PRDM5: variants seen among roughly 807,000 people sequenced by gnomAD.
PRDM5 encodes the protein PR/SET domain 5.
Under a neutral mutation model 81.2 loss-of-function variants are expected in PRDM5, and 56 were observed. The observed-to-expected ratio is 0.69, with a 90% CI of 0.56 to 0.86. The LOEUF (loss-of-function observed/expected upper bound fraction) is 0.86. Among genes scored for constraint, PRDM5 ranks in the 40% least tolerant of loss-of-function variants. The pLI is 0.00. For synonymous variants in PRDM5, 267 were observed against 256.4 expected (o/e 1.04, Z -0.39); for missense variants, 697 against 770.1 (o/e 0.91, Z 1.12).
At chr4:120,862,642 AATAGTTAAC>A (rs1323770110) in intron 2 of PRDM5, among the ~76,000 whole-genome samples, 1 of 152,192 alleles carries the variant, frequency 6.6e-6, no homozygotes, top group Non-Finnish European at 1.5e-5. Flanking sequence ...GTTCCCTGTC[AATAGTTAAC>A]ATATCAAGGT....
At chr4:120,721,425 G>A (rs1362869260) in intron 14 of PRDM5, among the ~76,000 whole-genome samples, 1 of 152,150 alleles carries the variant, frequency 6.6e-6, no homozygotes, top group Non-Finnish European at 1.5e-5. Context: ...GCAACCAGAA[G>A]TGAGAACTTC....
Position 120,821,339 on chromosome 4 carries a change from C to A in PRDM5, c.307G>T (p.Glu103Ter). ...QKNLAAIQEG[E>*]NIFYLAVEDI... Reference sequence around the variant, plus strand: ...TCAACTGCCAAATAGAAAATGTTTTCTCCTTCCTGAAACAAATTTTTTTAA... The same window carrying A: ...TCAACTGCCAAATAGAAAATGTTTTATCCTTCCTGAAACAAATTTTTTTAA... Residue 103 changes from glutamate (E) to a stop codon, truncating the protein, a stop_gained, in exon 4 of 16, where the codon GAA becomes TAA. Coordinates refer to ENST00000264808, the MANE Select transcript of PRDM5 (RefSeq NM_018699.4). LOFTEE classifies it high-confidence loss of function. 7.4e-6 allele frequency: 12 copies of A among 1,613,756 alleles called. No homozygotes were observed. The highest frequency in any genetic ancestry group is 1.0e-5 in the Non-Finnish European group (12 of 1,179,872).
At chr4:120,795,791 T>C (rs1206192460) in intron 10 of PRDM5, among the ~76,000 whole-genome samples, 3 of 152,028 alleles carry the variant, frequency 2.0e-5, no homozygotes, top group Non-Finnish European at 2.9e-5. Flanking sequence ...CACATGCCTG[T>C]AGTCCCAGCT....
At chr4:120,806,328 C>T (rs1315252942) in intron 8 of PRDM5, among the ~76,000 whole-genome samples, 1 of 152,138 alleles carries the variant, frequency 6.6e-6, no homozygotes, top group Admixed American at 6.5e-5. Context: ...TGACTTTCTT[C>T]ACAGAATTGG....
intron 14 of PRDM5, among the ~76,000 whole-genome samples, chr4:120,737,461 G>A (rs1741284283): frequency 6.6e-6 from 1 of 152,198 alleles, no homozygotes; most frequent in South Asian, 2.1e-4. Flanking sequence ...GAGTAGGCCT[G>A]GTACCAGTTA....
chr4:120,854,871 G>A (rs1304553500), intron 2 of PRDM5, among the ~76,000 whole-genome samples: 1 of 151,894 alleles, frequency 6.6e-6, no homozygotes, highest in Non-Finnish European at 1.5e-5. Flanking sequence ...CAAGCAGAGG[G>A]TACAGCAAGT....
intron 14 of PRDM5, among the ~76,000 whole-genome samples, chr4:120,739,607 G>A (rs760445739): frequency 3.7e-4 from 57 of 152,094 alleles, no homozygotes; most frequent in Middle Eastern, 3.4e-3. Flanking sequence ...AAAGACTTTT[G>A]TCTATTTTCC....
At chr4:120,882,060 G>A (rs1377929346) in intron 2 of PRDM5, among the ~76,000 whole-genome samples, 4 of 152,158 alleles carry the variant, frequency 2.6e-5, no homozygotes, top group Non-Finnish European at 5.9e-5. Context: ...CAGATTCCTT[G>A]CCTCCTTCCT....
At chr4:120,698,057 T>C (rs1317828377) in intron 15 of PRDM5, among the ~76,000 whole-genome samples, 1 of 152,180 alleles carries the variant, frequency 6.6e-6, no homozygotes, top group Non-Finnish European at 1.5e-5. Flanking sequence ...TTTGTCTCCA[T>C]ATTTCCTCAT....
chr4:120,868,446 A>AT (rs111597181), intron 2 of PRDM5, among the ~76,000 whole-genome samples: 9,985 of 152,086 alleles, frequency 0.066, 478 homozygotes, highest in Middle Eastern at 0.18. Flanking sequence ...TAAATGAGTT[A>AT]TTTTTTTCTA....
At chr4:120,718,860 T>G (rs968378136) in intron 14 of PRDM5, among the ~76,000 whole-genome samples, 1 of 152,200 alleles carries the variant, frequency 6.6e-6, no homozygotes, top group Admixed American at 6.5e-5. Flanking sequence ...CAAAAAAGGC[T>G]TGTGTTATAT....
intron 10 of PRDM5, among the ~76,000 whole-genome samples, chr4:120,790,631 T>C (rs979590542): frequency 1.3e-5 from 2 of 152,154 alleles, no homozygotes; most frequent in African/African-American, 4.8e-5. Context: ...TTTAGTCCTA[T>C]GAAAAAAATC....
At position 120,694,324 on chromosome 4, in the gene PRDM5, G is replaced by C. The variant is rs1275012120; in HGVS notation, c.*787C>G. On this transcript the variant is annotated 3_prime_UTR_variant, in exon 16 of 16. Transcript: ENST00000264808. ...ATACTGTTAATTTCTAAAGCTAAAT[G>C]GTCTAAATTCAAGAGGGGTAGCCTG... 6.6e-6 allele frequency: 1 copy of C among 151,980 alleles called. No homozygotes were observed. Among genetic ancestry groups the C allele is most frequent in the African/African-American group, 2.4e-5 (1 of 41,406 alleles). 9.4% of individuals were successfully genotyped at this position (151,980 alleles called of 1,614,324 possible).
chr4:120,718,995 G>GACTT (rs1397524722), intron 14 of PRDM5, among the ~76,000 whole-genome samples: 1 of 152,174 alleles, frequency 6.6e-6, no homozygotes, highest in Non-Finnish European at 1.5e-5. Flanking sequence ...GTCAGTTGTT[G>GACTT]ACTTACTTTC....
At chr4:120,922,495 G>C in intron 1 of PRDM5, 21 bp downstream of exon 1, 1 of 1,584,790 alleles carries the variant, frequency 6.3e-7, no homozygotes. Flanking sequence ...GGGGCGCGCA[G>C]GCCGCCGCCG....
Position 120,850,396 on chromosome 4 carries a change from G to A in PRDM5, c.300+3022C>T, listed in dbSNP as rs1165251806. ...GAAGGCTGAAATCTCTTTCAGCCAC[G>A]TGACCCAACTATTATGCTCTCTGCC... On this transcript the variant is annotated intron_variant, in intron 3 of 15. Transcript: ENST00000264808. 2.6e-5 allele frequency among the ~76,000 whole-genome samples: 4 copies of A among 152,020 alleles called. No homozygotes were observed. In the South Asian group the frequency reaches 6.2e-4, roughly 24 times the overall value.
chr4:120,886,855 C>G (rs1221245509), intron 2 of PRDM5, among the ~76,000 whole-genome samples: 1 of 152,058 alleles, frequency 6.6e-6, no homozygotes, highest in Non-Finnish European at 1.5e-5. Context: ...CAGTCTCAGT[C>G]TTATATAACT....
chr4:120,917,583 A>G (rs187043812), intron 1 of PRDM5, among the ~76,000 whole-genome samples: 1 of 152,112 alleles, frequency 6.6e-6, no homozygotes, highest in African/African-American at 2.4e-5. Flanking sequence ...AGGTCTTGGC[A>G]TATAGAGTGA....
At chr4:120,825,652 T>C (rs952912655) in intron 3 of PRDM5, among the ~76,000 whole-genome samples, 1 of 152,192 alleles carries the variant, frequency 6.6e-6, no homozygotes, top group Non-Finnish European at 1.5e-5. Flanking sequence ...CAGCTGTAAA[T>C]AAATACAGGA....
Sources: allele counts gnomAD v4.1 joint callset (sites outside exome capture counted in the v4.1 genomes callset), GRCh38; gene constraint gnomAD v4.1.1; transcripts MANE v1.5; gene names NCBI Gene and HGNC (gene_info 2026-07-23, HGNC 2026-07-21).